The following RNF180 variants were observed in gnomAD, a reference collection of about 807,000 sequenced individuals.
The protein encoded by RNF180 is ring finger protein 180, also known as E3 ubiquitin-protein ligase RNF180.
RNF180 carries 38 observed loss-of-function variants against 59.2 expected under a neutral mutation model. The ratio of observed to expected loss-of-function variants is 0.64; its 90% CI spans 0.50 to 0.84. The LOEUF (loss-of-function observed/expected upper bound fraction) is 0.84, where lower values mean the gene tolerates loss of function less well. RNF180 is among the 40% of genes least tolerant of loss of function. RNF180 has a pLI of 0.00. For synonymous variants in RNF180, 262 were observed against 240.3 expected, an observed-to-expected ratio of 1.09 and a Z score of -0.84; for missense variants, 705 against 700.9, an observed-to-expected ratio of 1.01 and a Z score of -0.07.
intron 5 of RNF180, among the ~76,000 whole-genome samples, chr5:64,247,181 C>T (rs1283365813): frequency 6.6e-6 from 1 of 152,154 alleles, no homozygotes; most frequent in Admixed American, 6.5e-5. Context: ...AAGCTGGAAG[C>T]ATTCCCTTCG....
At chr5:64,215,454 C>T (rs1011399561) in intron 4 of RNF180, among the ~76,000 whole-genome samples, 14 of 152,180 alleles carry the variant, frequency 9.2e-5, no homozygotes, top group Admixed American at 2.6e-4. Context: ...TTGAATGCTT[C>T]AGATTGAGTG....
At chr5:64,304,367 G>A (rs1459975475) in intron 5 of RNF180, among the ~76,000 whole-genome samples, 4 of 151,518 alleles carry the variant, frequency 2.6e-5, no homozygotes, top group Non-Finnish European at 5.9e-5. Flanking sequence ...GATGGATCTG[G>A]GCAAAGCACA....
Position 64,237,639 on chromosome 5 carries a change from T to G in RNF180, c.1227+20243T>G, listed in dbSNP as rs117500541. Among the ~76,000 whole-genome samples the G allele has an allele frequency of 3.2e-4, 48 of 152,282 alleles. No homozygotes were observed. The East Asian group carries it at 8.5e-3, about 27-fold the overall frequency. On this transcript the variant is annotated intron_variant, in intron 5 of 7. Coordinates refer to ENST00000389100, the MANE Select transcript of RNF180 (RefSeq NM_001113561.2). ...GGGAAGGGCCAGAGGCAGAATGATATGGTTTGGCCGTGTGTCCCCACCGAA... is the reference window on the plus strand; with the variant it reads ...GGGAAGGGCCAGAGGCAGAATGATAGGGTTTGGCCGTGTGTCCCCACCGAA...
At position 64,212,371 on chromosome 5, in the gene RNF180, CAT is replaced by C. The variant is rs140066135; in HGVS notation, c.231+213_231+214del. Among the ~76,000 whole-genome samples the C allele has an allele frequency of 3.2e-3, 490 of 152,008 alleles. 1 individual carries two copies. The highest frequency in any genetic ancestry group is 0.012 in the African/African-American group (482 of 41,478). ...ACACACACACACATGCACACACACACATAATATATGTTACTTTTAAATATACA... is the reference window on the plus strand; with the variant it reads ...ACACACACACACATGCACACACACACAATATATGTTACTTTTAAATATACA... On this transcript the variant is annotated intron_variant, in intron 3 of 7. Transcript: ENST00000389100.
chr5:64,179,589 C>T (rs1216250285), intron 1 of RNF180, among the ~76,000 whole-genome samples: 1 of 152,072 alleles, frequency 6.6e-6, no homozygotes, highest in Non-Finnish European at 1.5e-5. Flanking sequence ...ATACATACAG[C>T]TTTATTACTT....
At chr5:64,347,246 A>G (rs1399806667) in intron 7 of RNF180, among the ~76,000 whole-genome samples, 2 of 152,220 alleles carry the variant, frequency 1.3e-5, no homozygotes, top group Non-Finnish European at 2.9e-5. Context: ...AAATGTTTAT[A>G]GTACTTCAAT....
chr5:64,370,630 T>A lies in RNF180; in HGVS notation c.*816T>A, dbSNP rs1169590103. 1 of 151,710 alleles carries A rather than the reference T, an allele frequency of 6.6e-6. No individual in the cohort carries two copies. The highest frequency in any genetic ancestry group is 1.5e-5 in the Non-Finnish European group (1 of 67,770). 9.4% of individuals were successfully genotyped at this position (151,710 alleles called of 1,614,324 possible). ...AATAAAGAGTGGCTTTTAATTTTTT[T>A]AATGTCTGAATAAAGTATTGTTATA... On this transcript the variant is annotated 3_prime_UTR_variant, in exon 8 of 8. Transcript: ENST00000389100.
rs1341297100 is a variant in RNF180, at chr5:64,272,378, G to A, written c.1228-52808G>A. 2.0e-5 allele frequency among the ~76,000 whole-genome samples: 3 copies of A among 152,084 alleles called. No individual in the cohort carries two copies. The South Asian group carries it at 6.2e-4, about 32-fold the overall frequency. On this transcript the variant is annotated intron_variant, in intron 5 of 7. Coordinates refer to ENST00000389100, the MANE Select transcript of RNF180 (RefSeq NM_001113561.2). ...AACAGACCAATGTGTGCCAAGGTCT[G>A]TATCCCAGAGAAGAATGGTACATTT...
chr5:64,192,674 AAAAC>A lies in RNF180; in HGVS notation c.1-8122_1-8119del, dbSNP rs745930987. Among the ~76,000 whole-genome samples, 96 of 152,132 alleles carry A rather than the reference AAAAC, an allele frequency of 6.3e-4. No individual in the cohort carries two copies. In the Middle Eastern group the frequency reaches 0.01, roughly 16 times the overall value. On this transcript the variant is annotated intron_variant, in intron 1 of 7. Transcript: ENST00000389100. ...GCGACAGAGTGAGACTCCATCTCAA[AAAAC>A]AAACAAACAAAACACAGTATGGAGG...
intron 1 of RNF180, among the ~76,000 whole-genome samples, chr5:64,188,081 T>C (rs1039648958): frequency 6.6e-6 from 1 of 152,164 alleles, no homozygotes; most frequent in African/African-American, 2.4e-5. Context: ...TGAGCTGACA[T>C]GTAATTAGTT....
Position 64,225,484 on chromosome 5 carries a change from G to C in RNF180, c.1227+8088G>C, listed in dbSNP as rs1483825545. On this transcript the variant is annotated intron_variant, in intron 5 of 7. Coordinates refer to ENST00000389100, the MANE Select transcript of RNF180 (RefSeq NM_001113561.2). ...ATGTGAGGAGTGCCTCTGCCTGGCCGCCCTCCGTCTGGGAGGTGAGGAGCG... is the reference window on the plus strand; with the variant it reads ...ATGTGAGGAGTGCCTCTGCCTGGCCCCCCTCCGTCTGGGAGGTGAGGAGCG... Among the ~76,000 whole-genome samples, 13 of 138,848 alleles carry C rather than the reference G, an allele frequency of 9.4e-5. 2 individuals are homozygous for C. The highest frequency in any genetic ancestry group is 3.5e-4 in the African/African-American group (13 of 36,710). The allele number at this position is 138,848 out of a possible 152,430, so 91.1% of individuals were successfully genotyped here. A position where few individuals can be genotyped will look rare whatever the true frequency, so the allele number is the denominator to read the frequency against.
chr5:64,167,195 G>A (rs993973596), intron 1 of RNF180, among the ~76,000 whole-genome samples: 1 of 152,278 alleles, frequency 6.6e-6, no homozygotes. Context: ...TCGAGGAGGC[G>A]AGCTGTTAGG....
chr5:64,273,096 G>A (rs1183157308), intron 5 of RNF180, among the ~76,000 whole-genome samples: 4 of 151,882 alleles, frequency 2.6e-5, no homozygotes, highest in African/African-American at 9.7e-5. Flanking sequence ...AGTGACCTCA[G>A]GTTGTCCTCA....
chr5:64,293,223 T>C (rs1742701836), intron 5 of RNF180, among the ~76,000 whole-genome samples: 1 of 152,192 alleles, frequency 6.6e-6, no homozygotes, highest in Admixed American at 6.5e-5. Context: ...TAGGTGTGCT[T>C]TTGGCTCTGT....
At chr5:64,301,517 A>G (rs897269195) in intron 5 of RNF180, among the ~76,000 whole-genome samples, 2 of 151,732 alleles carry the variant, frequency 1.3e-5, no homozygotes, top group Non-Finnish European at 3.0e-5. Context: ...TTTGTTGCAT[A>G]TTTGTTAAAA....
intron 7 of RNF180, among the ~76,000 whole-genome samples, chr5:64,342,949 A>C (rs1580282749): frequency 6.6e-6 from 1 of 152,248 alleles, no homozygotes; most frequent in African/African-American, 2.4e-5. Flanking sequence ...GTACAACCTA[A>C]CTTCAAACCC....
At chr5:64,253,167 T>G (rs2112283924) in intron 5 of RNF180, among the ~76,000 whole-genome samples, 1 of 152,276 alleles carries the variant, frequency 6.6e-6, no homozygotes, top group South Asian at 2.1e-4. Flanking sequence ...AAGAAATCAT[T>G]ACATTTCTGA....
intron 7 of RNF180, among the ~76,000 whole-genome samples, chr5:64,350,575 G>A (rs1175304729): frequency 1.3e-5 from 2 of 151,914 alleles, no homozygotes; most frequent in South Asian, 4.2e-4. Flanking sequence ...CATTTTGAAT[G>A]AATTTTTGTA....
At chr5:64,262,169 A>T (rs936231028) in intron 5 of RNF180, among the ~76,000 whole-genome samples, 3 of 152,148 alleles carry the variant, frequency 2.0e-5, no homozygotes, top group African/African-American at 7.2e-5. Context: ...AGGGGATACA[A>T]ATTGCTTTAA....
Sources: allele counts gnomAD v4.1 joint callset (sites outside exome capture counted in the v4.1 genomes callset), GRCh38; gene constraint gnomAD v4.1.1; transcripts MANE v1.5; gene names NCBI Gene and HGNC (gene_info 2026-07-23, HGNC 2026-07-21).